DCAF17: variants seen among roughly 807,000 people sequenced by gnomAD.
DCAF17 encodes the protein DDB1 and CUL4 associated factor 17, also known as DDB1- and CUL4-associated factor 17.
Under a neutral mutation model 66.0 loss-of-function variants are expected in DCAF17, and 48 were observed. The observed-to-expected ratio is 0.73, with a 90% CI of 0.58 to 0.92. The LOEUF (loss-of-function observed/expected upper bound fraction) is 0.92, where lower values mean the gene tolerates loss of function less well. DCAF17 is among the 40% of genes least tolerant of loss of function. The pLI, the probability that DCAF17 is intolerant of heterozygous loss-of-function variation, is 0.00. For synonymous variants in DCAF17, 206 were observed against 214.6 expected (o/e 0.96, Z 0.35); for missense variants, 562 against 622.8 (o/e 0.90, Z 1.04).
chr2:171,475,696 G>A (rs1310334956), intron 10 of DCAF17, among the ~76,000 whole-genome samples: 1 of 152,180 alleles, frequency 6.6e-6, no homozygotes, highest in East Asian at 1.9e-4. Flanking sequence ...CCAGGAGTTC[G>A]AGGCTGCAGT....
At chr2:171,461,946 A>G (rs1385643140) in intron 8 of DCAF17, among the ~76,000 whole-genome samples, 2 of 152,094 alleles carry the variant, frequency 1.3e-5, no homozygotes, top group Non-Finnish European at 2.9e-5. Context: ...TTCACTCAGG[A>G]TATTATATTT....
In DCAF17 at chr2:171,484,396, A is replaced by G. The variant is rs1696868539; in HGVS notation, c.*3282A>G. 1 of 390,674 alleles carries G rather than the reference A, an allele frequency of 2.6e-6. No individual in the cohort carries two copies. Among genetic ancestry groups the G allele is most frequent in the Non-Finnish European group, 4.9e-6 (1 of 202,416 alleles). 24.2% of individuals were successfully genotyped at this position (390,674 alleles called of 1,614,324 possible). On this transcript the variant is annotated 3_prime_UTR_variant, in exon 14 of 14. Transcript: ENST00000375255. ...ATGAAAAATGTTCAAACATACAGTA[A>G]AATTGAAAGAATTTTATAGTAAATA...
At chr2:171,440,150 C>G (rs1242922659) in intron 2 of DCAF17, among the ~76,000 whole-genome samples, 1 of 152,146 alleles carries the variant, frequency 6.6e-6, no homozygotes, top group Non-Finnish European at 1.5e-5. Flanking sequence ...ATTTTAATTT[C>G]TGGTCTGCTA....
At chr2:171,462,477 C>T (rs1047852965) in intron 8 of DCAF17, among the ~76,000 whole-genome samples, 4 of 152,128 alleles carry the variant, frequency 2.6e-5, no homozygotes, top group African/African-American at 9.7e-5. Context: ...CTCAATGTCA[C>T]TGATAAGACA....
chr2:171,457,957 T>C lies in DCAF17; in HGVS notation c.628-14T>C, dbSNP rs753997812. The C allele has an allele frequency of 6.2e-7, 1 of 1,602,178 alleles. No homozygotes were observed. The highest frequency in any genetic ancestry group is 2.2e-5 in the East Asian group (1 of 44,820). ...AGTCTTTTCTCAGGTGATATCTGTC[T>C]TTCCCCCCGCCAGATTTTTGGGAAC... On this transcript the variant is annotated splice_polypyrimidine_tract_variant and intron_variant, in intron 6 of 13. Coordinates refer to ENST00000375255, the MANE Select transcript of DCAF17 (RefSeq NM_025000.4).
intron 8 of DCAF17, among the ~76,000 whole-genome samples, chr2:171,462,199 G>A (rs751199219): frequency 6.6e-6 from 1 of 151,988 alleles, no homozygotes; most frequent in Admixed American, 6.6e-5. Flanking sequence ...AAAACCCAAA[G>A]CCATAAAAGA....
At position 171,483,181 on chromosome 2, in the gene DCAF17, G is replaced by C. The variant is rs752065485; in HGVS notation, c.*2067G>C. On this transcript the variant is annotated 3_prime_UTR_variant, in exon 14 of 14. Coordinates refer to ENST00000375255, the MANE Select transcript of DCAF17 (RefSeq NM_025000.4). Reference sequence around the variant, plus strand: ...ATGAAGCATGCTTCCCAGCTCGCCAGAGTGTCACACAGCTGCTCATTCTGC... The same window carrying C: ...ATGAAGCATGCTTCCCAGCTCGCCACAGTGTCACACAGCTGCTCATTCTGC... 37 of 453,958 alleles carry C rather than the reference G, an allele frequency of 8.2e-5. No individual in the cohort carries two copies. The highest frequency in any genetic ancestry group is 1.5e-4 in the Non-Finnish European group (33 of 226,792). 28.1% of individuals were successfully genotyped at this position (453,958 alleles called of 1,614,324 possible). A position where few individuals can be genotyped will look rare whatever the true frequency, so the allele number is the denominator to read the frequency against.
In DCAF17 at chr2:171,443,600, G is replaced by C; in HGVS notation, c.308G>C (p.Trp103Ser). The change falls in exon 3 of 14, where the codon TGG becomes TCG. Residue 103 changes from tryptophan (W) to serine (S), a missense_variant. By Grantham distance (177) the Trp-to-Ser change is radical. Around this residue, in one of 3 missense-constraint regions of DCAF17, gnomAD observed 348 missense variants for 355.9 expected, o/e 0.98. Coordinates refer to ENST00000375255, the MANE Select transcript of DCAF17 (RefSeq NM_025000.4). ...KSEKIEDALL[W>S]ECPVGDILPN... The stretch of plus-strand genomic sequence containing the variant: ...GAAAAAATAGAGGATGCTTTATTAT[G>C]GGAATGCCCAGTGGTAAGATTTGTT... 6.2e-7 allele frequency: 1 copy of C among 1,612,790 alleles called. No homozygotes were observed.
Position 171,434,299 on chromosome 2 carries a change from G to A in DCAF17, c.-279G>A, listed in dbSNP as rs1263667424. The A allele has an allele frequency of 3.3e-6, 2 of 602,260 alleles. No individual in the cohort carries two copies. The highest frequency in any genetic ancestry group is 7.4e-5 in the East Asian group (2 of 26,946). The allele number at this position is 602,260 out of a possible 1,614,324, so 37.3% of individuals were successfully genotyped here. A position where few individuals can be genotyped will look rare whatever the true frequency, so the allele number is the denominator to read the frequency against. On this transcript the variant is annotated 5_prime_UTR_variant, in exon 1 of 14. Transcript: ENST00000375255. ...AGAGAGCGGCTCCGGCCGGCCGCGC[G>A]GTACCGGAGCGTCGCACTGTCAGCG...
At chr2:171,467,095 C>G (rs934021047) in intron 8 of DCAF17, among the ~76,000 whole-genome samples, 2 of 151,898 alleles carry the variant, frequency 1.3e-5, no homozygotes, top group Non-Finnish European at 2.9e-5. Context: ...TCTTTTTCCT[C>G]AAGATTTTTT....
intron 7 of DCAF17, 87 bp downstream of exon 7, chr2:171,458,162 A>C (rs556210490): frequency 1.7e-5 from 21 of 1,245,900 alleles, no homozygotes; most frequent in Non-Finnish European, 1.1e-5. Flanking sequence ...ATGCTTTTAG[A>C]GTAAGGCACT....
In DCAF17 at chr2:171,478,043, C is replaced by A. The variant is rs1357527982; in HGVS notation, c.1239C>A (p.Asn413Lys). ...GACGGGTGGTAAAAAAAAGTTTTAACCTTCTGGATGATGACCCAGAACAAG... is the reference window on the plus strand; with the variant it reads ...GACGGGTGGTAAAAAAAAGTTTTAAACTTCTGGATGATGACCCAGAACAAG... ...ASGRVVKKSF[N>K]LLDDDPEQET... is the part of the protein sequence containing the mutation. The change falls in exon 12 of 14, where the codon AAC becomes AAA. Residue 413 changes from asparagine (N) to lysine (K), a missense_variant. Asn to Lys is a moderately conservative substitution (Grantham distance 94). Around this residue, in one of 3 missense-constraint regions of DCAF17, gnomAD observed 201 missense variants for 231.1 expected, o/e 0.87. Transcript: ENST00000375255. 2 of 1,613,898 alleles carry A rather than the reference C, an allele frequency of 1.2e-6. No homozygotes were observed. The highest frequency in any genetic ancestry group is 2.2e-5 in the South Asian group (2 of 91,078).
intron 9 of DCAF17, chr2:171,472,744 G>A (rs1055074342): frequency 6.0e-6 from 1 of 167,104 alleles, no homozygotes; most frequent in Non-Finnish European, 1.4e-5. Context: ...TGTGAGGTAT[G>A]AATGCCTAGT....
chr2:171,458,039 G>A lies in DCAF17; in HGVS notation c.696G>A (p.Leu232=), dbSNP rs1433298112. Residue 232 remains leucine, a synonymous_variant, in exon 7 of 14, where the codon CTG becomes CTA. Transcript: ENST00000375255. ...TGATTGTGATGTACAGCTCAGGACT[G>A]GTCAGACTCTATAGCTTCCAAACCA... The part of the protein sequence containing the change: ...GILIVMYSSG[L]VRLYSFQTIA... 1 of 1,613,900 alleles carries A rather than the reference G, an allele frequency of 6.2e-7. No individual in the cohort carries two copies. Among genetic ancestry groups the A allele is most frequent in the African/African-American group, 1.3e-5 (1 of 74,908 alleles).
At chr2:171,460,408 G>T (rs559047356) in intron 8 of DCAF17, among the ~76,000 whole-genome samples, 72 of 151,660 alleles carry the variant, frequency 4.7e-4, no homozygotes, top group Middle Eastern at 3.4e-3. Context: ...TTGACCTGGA[G>T]TTTTATCCCT....
At chr2:171,465,053 C>A (rs1358566745) in intron 8 of DCAF17, among the ~76,000 whole-genome samples, 3 of 151,972 alleles carry the variant, frequency 2.0e-5, no homozygotes, top group Non-Finnish European at 4.4e-5. Flanking sequence ...AAAAATTTAG[C>A]CAGGCGTGGT....
Position 171,481,237 on chromosome 2 carries a change from T to G in DCAF17, c.*123T>G, listed in dbSNP as rs770811882. 4 of 1,187,848 alleles carry G rather than the reference T, an allele frequency of 3.4e-6. No homozygotes were observed. Among genetic ancestry groups the G allele is most frequent in the Non-Finnish European group, 5.0e-6 (4 of 804,822 alleles). 73.6% of individuals were successfully genotyped at this position (1,187,848 alleles called of 1,614,324 possible). On this transcript the variant is annotated 3_prime_UTR_variant, in exon 14 of 14. Coordinates refer to ENST00000375255, the MANE Select transcript of DCAF17 (RefSeq NM_025000.4). ...TTTTCCAAAAAAGTCTTGTGTTGACTTCAGATGACTATGACTTCTTTTTTA... is the reference window on the plus strand; with the variant it reads ...TTTTCCAAAAAAGTCTTGTGTTGACGTCAGATGACTATGACTTCTTTTTTA...
In DCAF17 at chr2:171,481,205, T is replaced by G; in HGVS notation, c.*91T>G. 1 of 1,528,154 alleles carries G rather than the reference T, an allele frequency of 6.5e-7. No individual in the cohort carries two copies. The highest frequency in any genetic ancestry group is 9.0e-7 in the Non-Finnish European group (1 of 1,105,776). The allele number at this position is 1,528,154 out of a possible 1,614,324, so 94.7% of individuals were successfully genotyped here. A position where few individuals can be genotyped will look rare whatever the true frequency, so the allele number is the denominator to read the frequency against. ...ATTTTATTATCTGCATGGCACATTCTCCAGTATTTTCCAAAAAAGTCTTGT... is the reference window on the plus strand; with the variant it reads ...ATTTTATTATCTGCATGGCACATTCGCCAGTATTTTCCAAAAAAGTCTTGT... On this transcript the variant is annotated 3_prime_UTR_variant, in exon 14 of 14. Transcript: ENST00000375255.
chr2:171,467,896 C>T (rs530700982), intron 8 of DCAF17, among the ~76,000 whole-genome samples: 26 of 152,056 alleles, frequency 1.7e-4, no homozygotes, highest in African/African-American at 6.0e-4. Context: ...AAAGTATGCA[C>T]TTCTGTATAT....
Sources: allele counts gnomAD v4.1 joint callset (sites outside exome capture counted in the v4.1 genomes callset), GRCh38; gene constraint gnomAD v4.1.1; regional missense constraint gnomAD v4.1.1; transcripts MANE v1.5; gene names NCBI Gene and HGNC (gene_info 2026-07-23, HGNC 2026-07-21).